The following PCCA variants were observed in gnomAD, a reference collection of about 807,000 sequenced individuals.
PCCA encodes propionyl-CoA carboxylase alpha chain, mitochondrial.
PCCA carries 74 observed loss-of-function variants against 101.3 expected under a neutral mutation model. The ratio of observed to expected loss-of-function variants is 0.73; its 90% CI spans 0.61 to 0.89. The LOEUF (loss-of-function observed/expected upper bound fraction) is 0.89. Among genes scored for constraint, PCCA ranks in the 40% least tolerant of loss-of-function variants. The pLI is 0.00. For missense variants in PCCA, 891 were observed against 907.0 expected (o/e 0.98, Z 0.23); for synonymous variants, 294 against 313.6 (o/e 0.94, Z 0.66).
At chr13:100,150,776 C>G (rs1470847067) in intron 4 of PCCA, 1 of 1,586,422 alleles carries the variant, frequency 6.3e-7, no homozygotes, top group Non-Finnish European at 8.6e-7. Context: ...ACAGTGGCGT[C>G]CAGCTTGCTC....
intron 22 of PCCA, among the ~76,000 whole-genome samples, chr13:100,520,734 AT>A (rs1284279681): frequency 1.3e-5 from 2 of 152,014 alleles, no homozygotes; most frequent in African/African-American, 4.8e-5. Context: ...AGGTAAAAAA[AT>A]ATCTATTAGT....
intron 7 of PCCA, among the ~76,000 whole-genome samples, chr13:100,224,072 C>T (rs1202497295): frequency 3.3e-5 from 5 of 152,308 alleles, no homozygotes; most frequent in South Asian, 2.1e-4. Flanking sequence ...CTTGGGTGGT[C>T]GATGGGACTG....
intron 19 of PCCA, among the ~76,000 whole-genome samples, chr13:100,389,310 G>A (rs1471964017): frequency 1.3e-5 from 2 of 152,134 alleles, no homozygotes; most frequent in Non-Finnish European, 1.5e-5. Flanking sequence ...AGTAGATACA[G>A]CTATAAAGAA....
At chr13:100,379,350 T>C (rs549227735) in intron 19 of PCCA, among the ~76,000 whole-genome samples, 2 of 152,302 alleles carry the variant, frequency 1.3e-5, no homozygotes, top group East Asian at 3.9e-4. Flanking sequence ...TGTCTGTCCT[T>C]GGGCCCCGGG....
intron 21 of PCCA, among the ~76,000 whole-genome samples, chr13:100,511,798 C>T (rs897068619): frequency 2.0e-5 from 3 of 152,278 alleles, no homozygotes; most frequent in African/African-American, 7.2e-5. Flanking sequence ...CAACATTTAG[C>T]GCATGGGGTC....
intron 18 of PCCA, among the ~76,000 whole-genome samples, chr13:100,357,687 G>T (rs975226882): frequency 6.6e-6 from 1 of 152,128 alleles, no homozygotes; most frequent in Admixed American, 6.6e-5. Flanking sequence ...ACCCCTAAAA[G>T]AAGAAAACTA....
chr13:100,328,900 G>A (rs533535883), intron 16 of PCCA, among the ~76,000 whole-genome samples: 78 of 151,122 alleles, frequency 5.2e-4, no homozygotes, highest in African/African-American at 1.9e-3. Flanking sequence ...CACTGTGTTG[G>A]CCAGGCTGGT....
At chr13:100,255,824 CT>C (rs1224429589) in intron 8 of PCCA, among the ~76,000 whole-genome samples, 3 of 152,172 alleles carry the variant, frequency 2.0e-5, no homozygotes, top group Admixed American at 1.3e-4. Flanking sequence ...CATGCACAAT[CT>C]TCTATGCTTT....
intron 15 of PCCA, among the ~76,000 whole-genome samples, chr13:100,308,079 T>A (rs2066606019): frequency 6.6e-6 from 1 of 152,120 alleles, no homozygotes; most frequent in African/African-American, 2.4e-5. Flanking sequence ...GGTCTCCATC[T>A]CCTGACCTCG....
chr13:100,371,426 G>A (rs1246119954), intron 19 of PCCA, among the ~76,000 whole-genome samples: 2 of 152,134 alleles, frequency 1.3e-5, no homozygotes, highest in African/African-American at 4.8e-5. Context: ...ACAAATATAT[G>A]GAAGGGTATC....
intron 4 of PCCA, among the ~76,000 whole-genome samples, chr13:100,127,627 T>TG (rs2050085827): frequency 6.6e-6 from 1 of 151,780 alleles, no homozygotes; most frequent in Non-Finnish European, 1.5e-5. Context: ...GCGTGGTGGC[T>TG]CACGCCCGTA....
At chr13:100,482,599 T>C (rs1311951927) in intron 21 of PCCA, among the ~76,000 whole-genome samples, 1 of 152,146 alleles carries the variant, frequency 6.6e-6, no homozygotes, top group Non-Finnish European at 1.5e-5. Context: ...GTTTTTTGTT[T>C]GTTTGTTTTG....
At chr13:100,507,049 A>T (rs994323411) in intron 21 of PCCA, among the ~76,000 whole-genome samples, 1 of 152,246 alleles carries the variant, frequency 6.6e-6, no homozygotes, top group African/African-American at 2.4e-5. Context: ...TGTACTGTTA[A>T]CAGGTGTTGG....
chr13:100,500,550 C>G (rs1242701761), intron 21 of PCCA, among the ~76,000 whole-genome samples: 1 of 152,158 alleles, frequency 6.6e-6, no homozygotes, highest in East Asian at 1.9e-4. Context: ...AGGCTGGTTT[C>G]AGCTCATCTG....
At chr13:100,251,136 T>C (rs1178023874) in intron 8 of PCCA, among the ~76,000 whole-genome samples, 4 of 152,182 alleles carry the variant, frequency 2.6e-5, no homozygotes, top group Non-Finnish European at 5.9e-5. Context: ...AGTATTATGA[T>C]TAAGTATTAT....
chr13:100,193,007 G>T (rs1004155772), intron 6 of PCCA, among the ~76,000 whole-genome samples: 1 of 152,136 alleles, frequency 6.6e-6, no homozygotes, highest in African/African-American at 2.4e-5. Flanking sequence ...CTGCTTCCGA[G>T]AGTGAAAAGG....
At chr13:100,302,417 T>C (rs990611624) in intron 13 of PCCA, among the ~76,000 whole-genome samples, 3 of 152,170 alleles carry the variant, frequency 2.0e-5, no homozygotes, top group Admixed American at 1.3e-4. Flanking sequence ...CTTATGACAC[T>C]GAACCTGTTT....
intron 6 of PCCA, among the ~76,000 whole-genome samples, chr13:100,178,789 A>G (rs2056477437): frequency 6.6e-6 from 1 of 152,130 alleles, no homozygotes; most frequent in African/African-American, 2.4e-5. Context: ...ATTAATTAAA[A>G]TGTGTGGGCC....
chr13:100,338,175 C>T (rs548076756), intron 17 of PCCA, among the ~76,000 whole-genome samples: 1 of 152,266 alleles, frequency 6.6e-6, no homozygotes, highest in East Asian at 1.9e-4. Flanking sequence ...ATCTTTAATC[C>T]AGGTGATTCT....
Sources: allele counts gnomAD v4.1 joint callset (sites outside exome capture counted in the v4.1 genomes callset), GRCh38; gene constraint gnomAD v4.1.1; transcripts MANE v1.5; gene names NCBI Gene and HGNC (gene_info 2026-07-23, HGNC 2026-07-21).